Variants in MYO15A observed in about 807,000 individuals in gnomAD.
MYO15A encodes the protein myosin XVA.
In MYO15A, 308 loss-of-function variants were observed where a neutral mutation model predicts 394.6. The observed-to-expected ratio is 0.78, with a 90% CI of 0.71 to 0.86. The LOEUF (loss-of-function observed/expected upper bound fraction) is 0.86, where lower values mean the gene tolerates loss of function less well. Ranked by LOEUF, MYO15A falls within the 40% of genes least tolerant of loss-of-function variation. The pLI is 0.00. For synonymous variants in MYO15A, 1,957 were observed against 2,003.8 expected, an observed-to-expected ratio of 0.98 and a Z score of 0.62; for missense variants, 4,606 against 4,799.1, an observed-to-expected ratio of 0.96 and a Z score of 1.19.
In MYO15A at chr17:18,157,010, G is replaced by A. The variant is rs778775712; in HGVS notation, c.8658G>A (p.Leu2886=). The A allele has an allele frequency of 6.2e-6, 10 of 1,614,052 alleles. No individual in the cohort carries two copies. Among genetic ancestry groups the A allele is most frequent in the Non-Finnish European group, 5.9e-6 (7 of 1,180,032 alleles). The change falls in exon 49 of 66, where the codon CTG becomes CTA. Residue 2886 remains leucine (L), a synonymous_variant. Transcript: ENST00000647165. ...RNFLPEDPAL[L]AFHKGDIIHL... ...TCCTGCCTGAGGACCCTGCGCTGCT[G>A]GCTTTCCACAAGGGTGACATCATAC...
rs771964660 is a variant in MYO15A, at chr17:18,127,155, T to A, written c.4022T>A (p.Val1341Asp). 1.5e-5 allele frequency: 24 copies of A among 1,612,362 alleles called. 2 individuals carry two copies. In the South Asian group the frequency reaches 2.3e-4, roughly 16 times the overall value. Reference sequence around the variant, plus strand: ...GCCGCCATGAACCAGAAACGGGAGGTCATGCAGCAGGTGAGTCTACCTGTC... The same window carrying A: ...GCCGCCATGAACCAGAAACGGGAGGACATGCAGCAGGTGAGTCTACCTGTC... ...YLAAMNQKREVMQQIKILEAT... is the reference protein window; with the variant it reads ...YLAAMNQKREDMQQIKILEAT... Residue 1341 changes from valine to aspartate, a missense_variant, in exon 7 of 66, where the codon GTC (valine) becomes GAC (aspartate). Val to Asp is a radical substitution (Grantham distance 152). This residue lies in a region of MYO15A where 2,776 missense variants were observed against 3,109.3 expected (regional missense o/e 0.89). Transcript: ENST00000647165.
intron 12 of MYO15A, among the ~76,000 whole-genome samples, chr17:18,134,527 G>A (rs1280472343): frequency 6.6e-6 from 1 of 152,108 alleles, no homozygotes; most frequent in Non-Finnish European, 1.5e-5. Context: ...AAGGTGTGAC[G>A]TAGGAATCCA....
At chr17:18,131,612 G>A in intron 10 of MYO15A, 81 bp downstream of exon 10, 6 of 1,521,454 alleles carry the variant, frequency 3.9e-6, no homozygotes, top group Non-Finnish European at 5.4e-6. Flanking sequence ...GCCCCTGGTA[G>A]GGCTAGGTAG....
chr17:18,172,527 C>T, intron 64 of MYO15A: 1 of 616,190 alleles, frequency 1.6e-6, no homozygotes, highest in Non-Finnish European at 2.9e-6. Flanking sequence ...AAAACATACT[C>T]TATGCACTCA....
In MYO15A at chr17:18,121,502, G is replaced by A. The variant is rs1313128406; in HGVS notation, c.2702G>A (p.Arg901Gln). ...FHRPPRAGAW[R>Q]APLEHRESPR... ...CGACCGCCCAGGGCCGGGGCCTGGC[G>A]GGCGCCCCTGGAACACCGGGAGAGC... is the stretch of plus-strand genomic sequence containing the variant. Residue 901 changes from arginine to glutamine, a missense_variant, in exon 2 of 66, where the codon CGG becomes CAG. Physicochemically the swap from Arg to Gln is conservative, Grantham distance 43 (BLOSUM62 1). Transcript: ENST00000647165. This position sits in a 1 kb window ranked among gnomAD's most constrained non-coding sequence, Gnocchi z 5.3. 6 of 1,552,450 alleles carry A rather than the reference G, an allele frequency of 3.9e-6. No individual in the cohort carries two copies. The highest frequency in any genetic ancestry group is 3.9e-5 in the Admixed American group (2 of 51,532).
chr17:18,139,125 G>A (rs755963786), intron 18 of MYO15A, 189 bp downstream of exon 18: 2 of 794,870 alleles, frequency 2.5e-6, no homozygotes, highest in Non-Finnish European at 4.2e-6. Flanking sequence ...TTGGAAAATG[G>A]GGTAATAATA....
At position 18,144,605 on chromosome 17, in the gene MYO15A, C is replaced by T; in HGVS notation, c.6273+13C>T. 6.2e-7 allele frequency: 1 copy of T among 1,608,736 alleles called. No homozygotes were observed. Among genetic ancestry groups the T allele is most frequent in the Non-Finnish European group, 8.5e-7 (1 of 1,178,992 alleles). ...CATCTTCAAGCTGGTATGGGGTCTGCCCCAGCCCACCTTCTAATTCTTAGC... is the reference window on the plus strand; with the variant it reads ...CATCTTCAAGCTGGTATGGGGTCTGTCCCAGCCCACCTTCTAATTCTTAGC... On this transcript the variant is annotated intron_variant, in intron 29 of 65. Coordinates refer to ENST00000647165, the MANE Select transcript of MYO15A (RefSeq NM_016239.4).
At chr17:18,156,442 T>G in intron 48 of MYO15A, 106 bp downstream of exon 48, 1 of 1,321,154 alleles carries the variant, frequency 7.6e-7, no homozygotes, top group Non-Finnish European at 1.1e-6. Flanking sequence ...TCTGTCTACC[T>G]TAAGGCCTTT....
chr17:18,121,832 A>G lies in MYO15A; in HGVS notation c.3032A>G (p.Lys1011Arg), dbSNP rs1158816173. The change falls in exon 2 of 66, where the codon AAG (lysine) becomes AGG (arginine). Residue 1011 changes from lysine (K) to arginine (R), a missense_variant. Coordinates refer to ENST00000647165, the MANE Select transcript of MYO15A (RefSeq NM_016239.4). This position sits in a 1 kb window ranked among gnomAD's most constrained non-coding sequence, Gnocchi z 5.3. ...AAATCAGCTGGCCCAACCCCTGAGA[A>G]GCCTGAAGAAGAGGCCACCCTGGGG... ...LTKSAGPTPEKPEEEATLGDP... is the reference protein window; with the variant it reads ...LTKSAGPTPERPEEEATLGDP... 7.4e-6 allele frequency: 12 copies of G among 1,612,762 alleles called. No individual in the cohort carries two copies. The Admixed American group carries it at 2.0e-4, about 27-fold the overall frequency.
chr17:18,119,062 AC>A lies in MYO15A; in HGVS notation c.263del (p.Thr88SerfsTer12). ...TVLKSTSKLM[T>X]QMRMGKKKRA... The stretch of plus-strand genomic sequence containing the variant: ...GCTCAAGTCCACGTCAAAGCTCATG[AC>A]GCAGATGCGCATGGGCAAGAAGAAG... On this transcript the variant is annotated frameshift_variant, in exon 2 of 66. Coordinates refer to ENST00000647165, the MANE Select transcript of MYO15A (RefSeq NM_016239.4). LOFTEE classifies it high-confidence loss of function. The A allele has an allele frequency of 6.2e-7, 1 of 1,612,302 alleles. No homozygotes were observed. The highest frequency in any genetic ancestry group is 8.5e-7 in the Non-Finnish European group (1 of 1,179,778).
Position 18,123,761 on chromosome 17 carries a change from G to A in MYO15A, c.3610-722G>A, listed in dbSNP as rs149799911. On this transcript the variant is annotated intron_variant, in intron 2 of 65. Coordinates refer to ENST00000647165, the MANE Select transcript of MYO15A (RefSeq NM_016239.4). ...CCACCCTCTGCCCATGTGCACAGAC[G>A]TGTGCTCACAGAGGAGACCCTGCAG... 8 of 156,424 alleles carry A rather than the reference G, an allele frequency of 5.1e-5. No homozygotes were observed. The East Asian group carries it at 5.6e-4, about 11-fold the overall frequency. 9.7% of individuals were successfully genotyped at this position (156,424 alleles called of 1,614,324 possible). A position where few individuals can be genotyped will look rare whatever the true frequency, so the allele number is the denominator to read the frequency against.
rs1225676289 is a variant in MYO15A, at chr17:18,117,110, C to A, written c.-219-1472C>A. Among the ~76,000 whole-genome samples, 9 of 152,162 alleles carry A rather than the reference C, an allele frequency of 5.9e-5. No homozygotes were observed. The highest frequency in any genetic ancestry group is 5.2e-4 in the Admixed American group (8 of 15,272). On this transcript the variant is annotated intron_variant, in intron 1 of 65. Coordinates refer to ENST00000647165, the MANE Select transcript of MYO15A (RefSeq NM_016239.4). This position sits in a 1 kb window ranked among gnomAD's most constrained non-coding sequence, Gnocchi z 4.1. ...GCCCTCCATCCAATTTCTCTGGTTT[C>A]CATCAAGCCCCACTCCCCATCCCTG...
intron 26 of MYO15A, 37 bp downstream of exon 26, chr17:18,143,656 G>A (rs550679798): frequency 6.4e-7 from 1 of 1,570,544 alleles, no homozygotes; most frequent in African/African-American, 1.4e-5. Context: ...GGCCAAGGAG[G>A]GAGGCTGGCA....
In MYO15A at chr17:18,148,635, TC is replaced by T; in HGVS notation, c.6764+72del. ...TGGAATGTTGTGGGGGGAGGTCAGATCCCCCAGAGGGTCCCATAGGGTCCAT... is the reference window on the plus strand; with the variant it reads ...TGGAATGTTGTGGGGGGAGGTCAGATCCCCAGAGGGTCCCATAGGGTCCAT... On this transcript the variant is annotated intron_variant, in intron 32 of 65. Transcript: ENST00000647165. This position sits in a 1 kb window ranked among gnomAD's most constrained non-coding sequence, Gnocchi z 4.8. 1 of 1,545,842 alleles carries T rather than the reference TC, an allele frequency of 6.5e-7. No individual in the cohort carries two copies.
At chr17:18,134,338 T>C (rs1203394573) in intron 12 of MYO15A, among the ~76,000 whole-genome samples, 3 of 152,238 alleles carry the variant, frequency 2.0e-5, no homozygotes. Context: ...AGATAGTTCA[T>C]TTATCAATAT....
chr17:18,144,068 C>CA (rs1355857004), intron 28 of MYO15A, 68 bp downstream of exon 28: 1 of 1,606,734 alleles, frequency 6.2e-7, no homozygotes, highest in Non-Finnish European at 8.5e-7. Flanking sequence ...GGACATTGTC[C>CA]TTGCCCTGGG....
intron 2 of MYO15A, chr17:18,124,189 C>G: frequency 2.2e-6 from 1 of 458,770 alleles, no homozygotes; most frequent in Non-Finnish European, 4.1e-6. Flanking sequence ...AGGGAGCTGG[C>G]CCATGCGCCC....
rs774707693 is a variant in MYO15A at position 18,163,343 on chromosome 17, G to C, written c.9690+22G>C. ...CACTGTAAGTGAAGAAATGTCTCCT[G>C]CAGCCAGGTACTGGAGGGGCAGGGA... On this transcript the variant is annotated intron_variant, in intron 59 of 65. Transcript: ENST00000647165. The C allele has an allele frequency of 2.5e-6, 4 of 1,611,346 alleles. No homozygotes were observed. The South Asian group carries it at 4.4e-5, about 18-fold the overall frequency.
chr17:18,126,756 A>G (rs1322410283), intron 5 of MYO15A, 35 bp from the exon 6 acceptor site: 1 of 1,610,652 alleles, frequency 6.2e-7, no homozygotes, highest in Non-Finnish European at 8.5e-7. Flanking sequence ...GGGAGCTTAG[A>G]GGCAGGGGCC....
Sources: allele counts gnomAD v4.1 joint callset (sites outside exome capture counted in the v4.1 genomes callset), GRCh38; gene constraint gnomAD v4.1.1; regional missense constraint gnomAD v4.1.1; non-coding constraint Gnocchi (gnomAD v3.1); transcripts MANE v1.5; gene names NCBI Gene and HGNC (gene_info 2026-07-23, HGNC 2026-07-21).